Variants in MRTFB observed in about 807,000 individuals in gnomAD.
The protein encoded by MRTFB is myocardin related transcription factor B.
In MRTFB, 29 loss-of-function variants were observed where a neutral mutation model predicts 104.2. The ratio of observed to expected loss-of-function variants is 0.28; its 90% CI spans 0.21 to 0.38. The LOEUF is 0.38. Among genes scored for constraint, MRTFB ranks in the 10% least tolerant of loss-of-function variants. The probability of loss-of-function intolerance (pLI) is 1.00; values close to 1 mark genes in which losing one functional copy is unlikely to be tolerated. For synonymous variants in MRTFB, 535 were observed against 519.5 expected (o/e 1.03, Z -0.41); for missense variants, 1,270 against 1,341.6 (o/e 0.95, Z 0.83).
intron 2 of MRTFB, among the ~76,000 whole-genome samples, chr16:14,129,251 C>T (rs2037317756): frequency 6.6e-6 from 1 of 151,988 alleles, no homozygotes; most frequent in Non-Finnish European, 1.5e-5. Flanking sequence ...TTTTGTAAAG[C>T]AGCCTTACTG....
chr16:14,184,072 TAAAAAAAA>T (rs71757134), intron 3 of MRTFB, among the ~76,000 whole-genome samples: 6 of 121,770 alleles, frequency 4.9e-5, no homozygotes, highest in Non-Finnish European at 9.8e-5. Context: ...TCCTGAAATT[TAAAAAAAA>T]AAAAAAAAAA....
the MRTFB span, among the ~76,000 whole-genome samples, chr16:14,017,267 A>G: frequency 3.3e-5 from 5 of 151,798 alleles, no homozygotes; most frequent in South Asian, 2.1e-4. Flanking sequence ...CATGTTAGCC[A>G]GGATGGTCTC....
chr16:14,038,464 A>G, the MRTFB span, among the ~76,000 whole-genome samples: 19 of 152,194 alleles, frequency 1.2e-4, no homozygotes, highest in African/African-American at 4.6e-4. Context: ...CTGACTTCAT[A>G]TCAAACACAG....
chr16:14,253,090 A>T (rs369978301), intron 15 of MRTFB, among the ~76,000 whole-genome samples: 1 of 152,094 alleles, frequency 6.6e-6, no homozygotes, highest in Non-Finnish European at 1.5e-5. Flanking sequence ...TCCTTGTTTG[A>T]CTGATAAAAC....
At chr16:14,237,562 A>G (rs959676171) in intron 9 of MRTFB, among the ~76,000 whole-genome samples, 2 of 152,256 alleles carry the variant, frequency 1.3e-5, no homozygotes, top group Non-Finnish European at 2.9e-5. Context: ...GAGAGCCCAC[A>G]GAAATGAGTC....
chr16:14,149,207 C>G (rs1170715722), intron 3 of MRTFB: 1 of 152,036 alleles, frequency 6.6e-6, no homozygotes, highest in Non-Finnish European at 1.5e-5. Context: ...CTTTTTAAAG[C>G]CAAAATTCAT....
intron 2 of MRTFB, among the ~76,000 whole-genome samples, chr16:14,127,915 ATATATATATATATATTTTTTTTT>A (rs1361747375): frequency 5.3e-4 from 26 of 48,902 alleles, no homozygotes; most frequent in African/African-American, 2.4e-3. Context: ...ATATATATAT[ATATATATATATATATTTTTTTTT>A]TTTTTTTTTT....
the MRTFB span, among the ~76,000 whole-genome samples, chr16:14,058,337 A>G: frequency 1.3e-5 from 2 of 152,144 alleles, no homozygotes; most frequent in African/African-American, 4.8e-5. Context: ...AACTACAAGT[A>G]GCTACAAGGG....
the MRTFB span, among the ~76,000 whole-genome samples, chr16:13,998,554 A>G: frequency 0.29 from 43,703 of 151,642 alleles, 7,529 homozygotes; most frequent in African/African-American, 0.47. Flanking sequence ...GCCGAGGCAG[A>G]AGGATCACTT....
In MRTFB at chr16:14,126,972, G is replaced by C. The variant is rs548934711; in HGVS notation, c.-63-13572G>C. Reference sequence around the variant, plus strand: ...TTTTTTAATGGTTTCTCACAGCCAAGTGTAATTCCAAACACCTGACATATA... The same window carrying C: ...TTTTTTAATGGTTTCTCACAGCCAACTGTAATTCCAAACACCTGACATATA... On this transcript the variant is annotated intron_variant, in intron 2 of 16. Transcript: ENST00000571589. 3.2e-4 allele frequency among the ~76,000 whole-genome samples: 49 copies of C among 152,306 alleles called. 1 individual carries two copies. The South Asian group carries it at 8.9e-3, about 28-fold the overall frequency.
At chr16:14,001,334 G>T in the MRTFB span, among the ~76,000 whole-genome samples, 1 of 152,180 alleles carries the variant, frequency 6.6e-6, no homozygotes, top group Non-Finnish European at 1.5e-5. Context: ...ATTATCTGCT[G>T]TGAGCGCCCT....
chr16:14,217,789 C>G (rs1258496544), intron 7 of MRTFB, among the ~76,000 whole-genome samples: 4 of 152,114 alleles, frequency 2.6e-5, no homozygotes, highest in Non-Finnish European at 5.9e-5. Context: ...TTATTTCTGT[C>G]TACTTCTAGG....
intron 3 of MRTFB, chr16:14,195,358 T>C (rs2040386946): frequency 4.6e-6 from 1 of 218,738 alleles, no homozygotes; most frequent in East Asian, 1.8e-4. Context: ...GCTATGATAT[T>C]AGGATAACAC....
intron 3 of MRTFB, among the ~76,000 whole-genome samples, chr16:14,207,006 C>T (rs1297390059): frequency 6.6e-6 from 1 of 151,896 alleles, no homozygotes; most frequent in Non-Finnish European, 1.5e-5. Flanking sequence ...CCCTTCCATT[C>T]ATGTTCTTCC....
At chr16:14,225,004 T>C (rs2041934291) in intron 8 of MRTFB, among the ~76,000 whole-genome samples, 1 of 152,102 alleles carries the variant, frequency 6.6e-6, no homozygotes, top group Non-Finnish European at 1.5e-5. Context: ...CTGACCAACA[T>C]GGAGAAACCC....
At chr16:14,163,748 G>A (rs1036428037) in intron 3 of MRTFB, among the ~76,000 whole-genome samples, 8 of 151,536 alleles carry the variant, frequency 5.3e-5, no homozygotes, top group South Asian at 4.2e-4. Context: ...CAGGAGAATC[G>A]CTTGAACCCT....
intron 3 of MRTFB, among the ~76,000 whole-genome samples, chr16:14,146,038 T>G (rs2038294511): frequency 1.3e-5 from 2 of 152,222 alleles, no homozygotes; most frequent in Non-Finnish European, 2.9e-5. Context: ...GGCTGGTGAA[T>G]TTAAGGTTTT....
intron 8 of MRTFB, among the ~76,000 whole-genome samples, chr16:14,232,708 C>T (rs1056778377): frequency 6.6e-6 from 1 of 152,162 alleles, no homozygotes; most frequent in South Asian, 2.1e-4. Flanking sequence ...GGCTTGAGAA[C>T]GTGACCCAGT....
At chr16:14,206,061 TC>T (rs5815819) in intron 3 of MRTFB, among the ~76,000 whole-genome samples, 152,268 of 152,270 alleles carry the variant, frequency 1, 76,133 homozygotes, top group Middle Eastern at 1. Context: ...AAGCCTTTTT[TC>T]CCCTCCATGC....
Sources: gnomAD v4.1 joint callset for allele counts (sites outside exome capture counted in the v4.1 genomes callset) on GRCh38, gnomAD v4.1.1 for gene constraint, MANE v1.5 for transcripts, NCBI Gene and HGNC (gene_info 2026-07-23, HGNC 2026-07-21) for gene names.